The following ARMH3 variants were observed in gnomAD, a reference collection of about 807,000 sequenced individuals.
ARMH3 encodes armadillo-like helical domain-containing protein 3.
Under a neutral mutation model 99.1 loss-of-function variants are expected in ARMH3, and 60 were observed. The ratio of observed to expected loss-of-function variants is 0.61; its 90% CI spans 0.49 to 0.75. ARMH3 has a LOEUF of 0.75. ARMH3 is among the 30% of genes least tolerant of loss of function. The probability of loss-of-function intolerance (pLI) is 0.00; values close to 1 mark genes in which losing one functional copy is unlikely to be tolerated. For synonymous variants in ARMH3, 285 were observed against 292.8 expected (o/e 0.97, Z 0.27); for missense variants, 679 against 843.1 (o/e 0.81, Z 2.41).
At chr10:101,932,571 A>G (rs1843765738) in intron 23 of ARMH3, among the ~76,000 whole-genome samples, 1 of 152,244 alleles carries the variant, frequency 6.6e-6, no homozygotes, top group Non-Finnish European at 1.5e-5. Flanking sequence ...ACAATGCAAT[A>G]TTATTCACCC....
chr10:101,954,349 C>T (rs1844934438), intron 22 of ARMH3, among the ~76,000 whole-genome samples: 4 of 152,100 alleles, frequency 2.6e-5, no homozygotes, highest in Admixed American at 2.6e-4. Flanking sequence ...TGGAATATTA[C>T]TCTGTAATAA....
At chr10:102,052,060 G>A (rs2067720461) in intron 1 of ARMH3, among the ~76,000 whole-genome samples, 1 of 152,086 alleles carries the variant, frequency 6.6e-6, no homozygotes, top group Non-Finnish European at 1.5e-5. Flanking sequence ...GGAGATTCCT[G>A]TAAATTAATA....
At chr10:101,981,258 GA>G (rs1846220983) in intron 19 of ARMH3, among the ~76,000 whole-genome samples, 1 of 152,094 alleles carries the variant, frequency 6.6e-6, no homozygotes, top group African/African-American at 2.4e-5. Context: ...GAGAAAAGAA[GA>G]AAGCAGAGAA....
At chr10:101,892,243 G>C (rs1056593668) in intron 23 of ARMH3, among the ~76,000 whole-genome samples, 5 of 151,880 alleles carry the variant, frequency 3.3e-5, no homozygotes, top group African/African-American at 4.8e-5. Flanking sequence ...CCAGGAGTTC[G>C]AGACCAGCCT....
chr10:102,038,222 G>A (rs1462633830), intron 2 of ARMH3, among the ~76,000 whole-genome samples: 2 of 148,434 alleles, frequency 1.3e-5, no homozygotes, highest in African/African-American at 5.0e-5. Flanking sequence ...AGCCTCCCAA[G>A]TAGCTGGGAC....
chr10:101,920,835 A>G (rs1843277872), intron 23 of ARMH3, among the ~76,000 whole-genome samples: 1 of 152,188 alleles, frequency 6.6e-6, no homozygotes, highest in South Asian at 2.1e-4. Flanking sequence ...AAATTCTGAC[A>G]TATGCTACAA....
chr10:101,992,380 C>T (rs1480982750), intron 17 of ARMH3, among the ~76,000 whole-genome samples: 1 of 151,850 alleles, frequency 6.6e-6, no homozygotes, highest in African/African-American at 2.4e-5. Context: ...TGGTGTTTTT[C>T]TTTGACGATA....
rs527247521 is a variant in ARMH3 at position 102,025,684 on chromosome 10, T to C, written c.415-436A>G. Among the ~76,000 whole-genome samples, 3 of 152,288 alleles carry C rather than the reference T, an allele frequency of 2.0e-5. No homozygotes were observed. In the East Asian group the frequency reaches 5.8e-4, roughly 29 times the overall value. On this transcript the variant is annotated intron_variant, in intron 5 of 25. Transcript: ENST00000370033. ...CTTTTTGAGACAGAGTCTCACTCTG[T>C]CTGTCAGTCAGGCTGGAAAGCAGGG...
intron 20 of ARMH3, among the ~76,000 whole-genome samples, chr10:101,971,705 G>A (rs1009889502): frequency 2.6e-5 from 4 of 152,130 alleles, no homozygotes; most frequent in African/African-American, 9.7e-5. Context: ...GAAACTATAT[G>A]CAAAATATAT....
intron 19 of ARMH3, among the ~76,000 whole-genome samples, chr10:101,989,656 G>A (rs796128967): frequency 6.6e-5 from 10 of 152,318 alleles, no homozygotes; most frequent in African/African-American, 2.4e-4. Flanking sequence ...GGGAAGCAGA[G>A]GTTGCAGTGA....
intron 23 of ARMH3, among the ~76,000 whole-genome samples, chr10:101,925,718 G>T (rs1473490045): frequency 6.6e-6 from 1 of 152,054 alleles, no homozygotes; most frequent in Non-Finnish European, 1.5e-5. Flanking sequence ...AGACCAGCCT[G>T]GCCAACATGG....
intron 24 of ARMH3, among the ~76,000 whole-genome samples, chr10:101,862,375 G>A (rs926656948): frequency 5.9e-5 from 9 of 152,112 alleles, no homozygotes; most frequent in Non-Finnish European, 8.8e-5. Context: ...TCAGAAGTTC[G>A]AGACCAGCCT....
chr10:101,959,499 G>C (rs1845185451), intron 20 of ARMH3, among the ~76,000 whole-genome samples: 1 of 152,146 alleles, frequency 6.6e-6, no homozygotes, highest in African/African-American at 2.4e-5. Context: ...CATCAACAAG[G>C]GCTTTTGTCC....
In ARMH3 at chr10:101,991,949, T is replaced by C; in HGVS notation, c.1345+20A>G. 1 of 1,602,046 alleles carries C rather than the reference T, an allele frequency of 6.2e-7. No homozygotes were observed. Reference sequence around the variant, plus strand: ...TATCGCTGTCACAGAACAATGTCAATGTTGATGATACTCACTCACCCAGTA... The same window carrying C: ...TATCGCTGTCACAGAACAATGTCAACGTTGATGATACTCACTCACCCAGTA... On this transcript the variant is annotated intron_variant, in intron 18 of 25. Transcript: ENST00000370033.
chr10:101,986,891 C>A (rs1393703086), intron 19 of ARMH3, among the ~76,000 whole-genome samples: 1 of 152,132 alleles, frequency 6.6e-6, no homozygotes. Flanking sequence ...CAACTTGATG[C>A]CTCGTTATCT....
chr10:101,907,067 T>A (rs1422632002), intron 23 of ARMH3, among the ~76,000 whole-genome samples: 1 of 152,172 alleles, frequency 6.6e-6, no homozygotes, highest in African/African-American at 2.4e-5. Flanking sequence ...GACAGTTTCG[T>A]AACACTAGTC....
At chr10:101,977,848 CAAG>C (rs1846076059) in intron 19 of ARMH3, among the ~76,000 whole-genome samples, 1 of 152,226 alleles carries the variant, frequency 6.6e-6, no homozygotes, top group Non-Finnish European at 1.5e-5. Flanking sequence ...TCCCCATCAG[CAAG>C]AAGATCCTCA....
chr10:102,025,936 T>C (rs573471926), intron 5 of ARMH3, among the ~76,000 whole-genome samples: 1 of 152,300 alleles, frequency 6.6e-6, no homozygotes, highest in South Asian at 2.1e-4. Flanking sequence ...TGAACCACTA[T>C]GCCTGGCAAG....
chr10:101,902,198 AC>A (rs950444301), intron 23 of ARMH3, among the ~76,000 whole-genome samples: 2 of 152,308 alleles, frequency 1.3e-5, no homozygotes, highest in Admixed American at 1.3e-4. Flanking sequence ...CCCCAAATTG[AC>A]CAAATGCCAA....
Sources: gnomAD v4.1 joint callset for allele counts (sites outside exome capture counted in the v4.1 genomes callset) on GRCh38, gnomAD v4.1.1 for gene constraint, MANE v1.5 for transcripts, NCBI Gene and HGNC (gene_info 2026-07-23, HGNC 2026-07-21) for gene names.